Variants in CCDC198 observed in about 807,000 individuals in gnomAD.
The protein encoded by CCDC198 is factor associated with metabolism and energy.
In CCDC198, 18 loss-of-function variants were observed where a neutral mutation model predicts 35.6. The ratio of observed to expected loss-of-function variants is 0.51; its 90% CI spans 0.35 to 0.75. The LOEUF (loss-of-function observed/expected upper bound fraction) is 0.75, where lower values mean the gene tolerates loss of function less well. CCDC198 is among the 30% of genes least tolerant of loss of function. The pLI is 0.01. For missense variants in CCDC198, 365 were observed against 343.7 expected (o/e 1.06, Z -0.49); for synonymous variants, 119 against 113.4 (o/e 1.05, Z -0.31).
chr14:57,487,136 T>C (rs1202122116), intron 2 of CCDC198, among the ~76,000 whole-genome samples: 2 of 152,192 alleles, frequency 1.3e-5, no homozygotes, highest in Non-Finnish European at 2.9e-5. Flanking sequence ...GTGAGATGCC[T>C]CACTTCATCA....
chr14:57,479,182 T>C (rs2067103822), intron 5 of CCDC198, among the ~76,000 whole-genome samples: 1 of 151,830 alleles, frequency 6.6e-6, no homozygotes, highest in Non-Finnish European at 1.5e-5. Flanking sequence ...GGTGCGAGAG[T>C]GGCAGAAGAT....
intron 3 of CCDC198, among the ~76,000 whole-genome samples, chr14:57,482,662 C>A (rs1443318635): frequency 6.6e-6 from 1 of 152,108 alleles, no homozygotes; most frequent in East Asian, 1.9e-4. Context: ...TCAGGAATAA[C>A]TTGTAGATAA....
chr14:57,481,376 C>T (rs1040825956), intron 4 of CCDC198, among the ~76,000 whole-genome samples, 183 bp downstream of exon 4: 1 of 152,160 alleles, frequency 6.6e-6, no homozygotes, highest in African/African-American at 2.4e-5. Context: ...AAAGACTCAA[C>T]AAGGTTATCA....
intron 1 of CCDC198, 26 bp downstream of exon 1, chr14:57,493,467 C>T (rs2139578963): frequency 1.9e-6 from 3 of 1,569,122 alleles, no homozygotes; most frequent in Non-Finnish European, 2.6e-6. Flanking sequence ...CAGATACACA[C>T]ATCTCATGCT....
At position 57,483,215 on chromosome 14, in the gene CCDC198, C is replaced by T. The variant is rs116552401; in HGVS notation, c.307-64G>A. 6.6e-4 allele frequency: 1,057 copies of T among 1,611,786 alleles called. 3 individuals carry two copies. In the African/African-American group the frequency reaches 0.012, roughly 19 times the overall value. On this transcript the variant is annotated intron_variant, in intron 2 of 5. Transcript: ENST00000216445. ...GCCATGAGATGATGAAACAGAAAAG[C>T]CAGACATTAAATTATCTTAACACTT...
chr14:57,490,376 T>G (rs1398555165), intron 2 of CCDC198, among the ~76,000 whole-genome samples: 1 of 152,156 alleles, frequency 6.6e-6, no homozygotes, highest in Non-Finnish European at 1.5e-5. Flanking sequence ...TTTGCTTCCT[T>G]GGAATCCAGT....
At chr14:57,481,707 C>G (rs368038381) in intron 3 of CCDC198, 47 bp from the exon 4 acceptor site, 2 of 1,175,274 alleles carry the variant, frequency 1.7e-6, no homozygotes, top group South Asian at 1.3e-5. Context: ...TTGTTACTGA[C>G]TCTGCAATTC....
intron 5 of CCDC198, among the ~76,000 whole-genome samples, chr14:57,476,617 T>A (rs2067006313): frequency 6.6e-6 from 1 of 152,174 alleles, no homozygotes; most frequent in Admixed American, 6.5e-5. Flanking sequence ...ATGTAAAGCG[T>A]GGGAGATTTC....
chr14:57,477,486 T>TCACACACA, intron 5 of CCDC198, among the ~76,000 whole-genome samples: 1 of 150,976 alleles, frequency 6.6e-6, no homozygotes, highest in Admixed American at 6.6e-5. Context: ...CACGTGTATC[T>TCACACACA]CACACACACA....
rs1301814255 is a variant in CCDC198 at position 57,480,774 on chromosome 14, A to C, written c.496-20T>G. 1 of 1,612,640 alleles carries C rather than the reference A, an allele frequency of 6.2e-7. No homozygotes were observed. Among genetic ancestry groups the C allele is most frequent in the Admixed American group, 1.7e-5 (1 of 59,866 alleles). ...TTGGGCCTGAAAATCATCAACTATAAATGATCAATGTTCTTCCCAAGCTAC... is the reference window on the plus strand; with the variant it reads ...TTGGGCCTGAAAATCATCAACTATACATGATCAATGTTCTTCCCAAGCTAC... On this transcript the variant is annotated intron_variant, in intron 4 of 5. Transcript: ENST00000216445.
At position 57,481,497 on chromosome 14, in the gene CCDC198, T is replaced by C. The variant is rs184924254; in HGVS notation, c.495+62A>G. On this transcript the variant is annotated intron_variant, in intron 4 of 5. Coordinates refer to ENST00000216445, the MANE Select transcript of CCDC198 (RefSeq NM_018168.4). Reference sequence around the variant, plus strand: ...TGGCTATCTATGCTTGATATATTCATGTGGCAGGGCAGTGATTATGTGATG... The same window carrying C: ...TGGCTATCTATGCTTGATATATTCACGTGGCAGGGCAGTGATTATGTGATG... 903 of 1,123,972 alleles carry C rather than the reference T, an allele frequency of 8.0e-4. 6 individuals are homozygous for C. In the African/African-American group the frequency reaches 0.012, roughly 16 times the overall value. 69.6% of individuals were successfully genotyped at this position (1,123,972 alleles called of 1,614,324 possible).
rs577389010 is a variant in CCDC198, at chr14:57,480,418, C to T, written c.655+177G>A. 58 of 768,176 alleles carry T rather than the reference C, an allele frequency of 7.6e-5. No individual in the cohort carries two copies. The African/African-American group carries it at 1.0e-3, about 14-fold the overall frequency. 47.6% of individuals were successfully genotyped at this position (768,176 alleles called of 1,614,324 possible). On this transcript the variant is annotated intron_variant, in intron 5 of 5. Transcript: ENST00000216445. ...TACCAAGCTTAAGCTTCTGTCTTTT[C>T]CTCCCAGCCATCCAAAATTACATGA...
intron 2 of CCDC198, among the ~76,000 whole-genome samples, chr14:57,484,178 A>G (rs765268788): frequency 1.2e-4 from 18 of 152,222 alleles, no homozygotes; most frequent in Non-Finnish European, 2.2e-4. Flanking sequence ...TCCATACCTC[A>G]GAATCGGAAC....
At chr14:57,479,171 G>A in intron 5 of CCDC198, 1 of 504,848 alleles carries the variant, frequency 2.0e-6, no homozygotes, top group South Asian at 1.8e-5. Context: ...TGTGGGGGCT[G>A]GGTGCGAGAG....
Position 57,471,291 on chromosome 14 carries a change from G to T in CCDC198, c.*64C>A, listed in dbSNP as rs2066809904. 2.5e-6 allele frequency: 3 copies of T among 1,201,016 alleles called. No individual in the cohort carries two copies. Among genetic ancestry groups the T allele is most frequent in the African/African-American group, 1.5e-5 (1 of 66,964 alleles). The allele number at this position is 1,201,016 out of a possible 1,614,324, so 74.4% of individuals were successfully genotyped here. ...CTCAAAGTAATTCATATATCAGTTTGGAAGATTTTGAGAGTAAAACAAGCT... is the reference window on the plus strand; with the variant it reads ...CTCAAAGTAATTCATATATCAGTTTTGAAGATTTTGAGAGTAAAACAAGCT... On this transcript the variant is annotated 3_prime_UTR_variant, in exon 6 of 6. Coordinates refer to ENST00000216445, the MANE Select transcript of CCDC198 (RefSeq NM_018168.4).
Position 57,482,971 on chromosome 14 carries a change from G to A in CCDC198, c.393+94C>T, listed in dbSNP as rs903067872. On this transcript the variant is annotated intron_variant, in intron 3 of 5. Transcript: ENST00000216445. ...ATTTGTCTTTGAACTCCTCCATGCA[G>A]AGAGTGCATGAAAGGACCAGTGTGC... The A allele has an allele frequency of 2.7e-6, 4 of 1,498,430 alleles. No homozygotes were observed. In the African/African-American group the frequency reaches 4.1e-5, roughly 15 times the overall value. 92.8% of individuals were successfully genotyped at this position (1,498,430 alleles called of 1,614,324 possible).
Position 57,480,768 on chromosome 14 carries a change from A to G in CCDC198, c.496-14T>C. ...CTCCATTTGGGCCTGAAAATCATCA[A>G]CTATAAATGATCAATGTTCTTCCCA... On this transcript the variant is annotated splice_polypyrimidine_tract_variant and intron_variant, in intron 4 of 5. Transcript: ENST00000216445. 6.2e-7 allele frequency: 1 copy of G among 1,613,140 alleles called. No homozygotes were observed. Among genetic ancestry groups the G allele is most frequent in the Non-Finnish European group, 8.5e-7 (1 of 1,179,572 alleles).
intron 2 of CCDC198, among the ~76,000 whole-genome samples, chr14:57,484,212 A>G (rs1012065054): frequency 9.9e-5 from 15 of 152,236 alleles, no homozygotes. Flanking sequence ...GGGTCATTGC[A>G]GATATAATTA....
intron 5 of CCDC198, among the ~76,000 whole-genome samples, chr14:57,479,795 T>C (rs1186684582): frequency 6.6e-6 from 1 of 152,190 alleles, no homozygotes; most frequent in Non-Finnish European, 1.5e-5. Flanking sequence ...TTACTCTGGC[T>C]GGGGCCCTAA....
Sources: gnomAD v4.1 joint callset for allele counts (sites outside exome capture counted in the v4.1 genomes callset) on GRCh38, gnomAD v4.1.1 for gene constraint, MANE v1.5 for transcripts, NCBI Gene and HGNC (gene_info 2026-07-23, HGNC 2026-07-21) for gene names.